Variants in CSMD3 observed in about 807,000 individuals in gnomAD.
CSMD3 encodes CUB and Sushi multiple domains 3.
CSMD3 carries 177 observed loss-of-function variants against 435.2 expected under a neutral mutation model. The ratio of observed to expected loss-of-function variants is 0.41; its 90% CI spans 0.36 to 0.46. The LOEUF (loss-of-function observed/expected upper bound fraction) is 0.46, where lower values mean the gene tolerates loss of function less well. Among genes scored for constraint, CSMD3 ranks in the 20% least tolerant of loss-of-function variants. The pLI, the probability that CSMD3 is intolerant of heterozygous loss-of-function variation, is 0.34. For missense variants in CSMD3, 4,265 were observed against 4,504.6 expected, an observed-to-expected ratio of 0.95 and a Z score of 1.52; for synonymous variants, 1,656 against 1,520.5, an observed-to-expected ratio of 1.09 and a Z score of -2.07.
chr8:113,368,660 A>G (rs964809556), intron 1 of CSMD3, among the ~76,000 whole-genome samples: 2 of 152,108 alleles, frequency 1.3e-5, no homozygotes. Flanking sequence ...AGCAGCAATA[A>G]CATTGGCAAA....
At chr8:112,508,678 T>C (rs1490754225) in intron 28 of CSMD3, among the ~76,000 whole-genome samples, 1 of 152,206 alleles carries the variant, frequency 6.6e-6, no homozygotes, top group Non-Finnish European at 1.5e-5. Flanking sequence ...CCTTTTCATC[T>C]AACTCCTGAG....
At chr8:112,949,135 C>A (rs2083718539) in intron 8 of CSMD3, among the ~76,000 whole-genome samples, 1 of 151,958 alleles carries the variant, frequency 6.6e-6, no homozygotes, top group Non-Finnish European at 1.5e-5. Flanking sequence ...AACCACTGGA[C>A]TGCTGAATAT....
Position 112,799,190 on chromosome 8 carries a change from A to G in CSMD3, c.1972+972T>C, listed in dbSNP as rs1047974566. On this transcript the variant is annotated intron_variant, in intron 13 of 70. Transcript: ENST00000297405. ...GATTTCTTGAACTATTCAAATTAATACAGTACCAAATTTAGTCACACAAAA... is the reference window on the plus strand; with the variant it reads ...GATTTCTTGAACTATTCAAATTAATGCAGTACCAAATTTAGTCACACAAAA... 4.6e-5 allele frequency among the ~76,000 whole-genome samples: 7 copies of G among 151,972 alleles called. No homozygotes were observed. The East Asian group carries it at 9.7e-4, about 21-fold the overall frequency.
intron 1 of CSMD3, among the ~76,000 whole-genome samples, chr8:113,361,386 G>C (rs545743404): frequency 8.5e-5 from 13 of 152,074 alleles, no homozygotes; most frequent in Non-Finnish European, 1.6e-4. Flanking sequence ...TATTTATGTC[G>C]ATGGAAAAAG....
intron 61 of CSMD3, among the ~76,000 whole-genome samples, chr8:112,259,980 A>T (rs1294589837): frequency 6.6e-6 from 1 of 151,824 alleles, no homozygotes; most frequent in African/African-American, 2.4e-5. Flanking sequence ...ATCCCCCAGT[A>T]CCCTCTCTGT....
chr8:112,652,367 T>G (rs532664899), intron 18 of CSMD3, among the ~76,000 whole-genome samples: 2 of 152,274 alleles, frequency 1.3e-5, no homozygotes, highest in East Asian at 3.9e-4. Flanking sequence ...ATATATAACT[T>G]TCCTTTACAT....
intron 14 of CSMD3, 26 bp from the exon 15 acceptor site, chr8:112,685,758 T>C (rs760571115): frequency 9.7e-6 from 13 of 1,344,508 alleles, no homozygotes; most frequent in Admixed American, 1.7e-5. Context: ...GATTATGAAA[T>C]ACAATAAATA....
chr8:112,718,294 AT>A (rs1388213788), intron 13 of CSMD3, among the ~76,000 whole-genome samples: 3 of 152,022 alleles, frequency 2.0e-5, no homozygotes, highest in African/African-American at 7.2e-5. Context: ...AGGATACTCT[AT>A]AATATGAGTA....
At chr8:112,805,746 C>G (rs1275601489) in intron 12 of CSMD3, among the ~76,000 whole-genome samples, 1 of 152,134 alleles carries the variant, frequency 6.6e-6, no homozygotes, top group East Asian at 1.9e-4. Flanking sequence ...GTTTACATTT[C>G]TGTTGCTGTT....
intron 63 of CSMD3, among the ~76,000 whole-genome samples, chr8:112,248,096 C>A (rs989614524): frequency 2.0e-5 from 3 of 152,020 alleles, no homozygotes; most frequent in Non-Finnish European, 2.9e-5. Flanking sequence ...TTCTGGATCT[C>A]ACTTTACTTG....
chr8:112,460,378 T>C (rs909083301), intron 32 of CSMD3, among the ~76,000 whole-genome samples: 2 of 151,906 alleles, frequency 1.3e-5, no homozygotes, highest in South Asian at 2.1e-4. Context: ...AGGGGTTAAG[T>C]AAAAGAGAAA....
chr8:112,524,872 C>A (rs1310576549), intron 27 of CSMD3, among the ~76,000 whole-genome samples: 1 of 151,920 alleles, frequency 6.6e-6, no homozygotes, highest in Non-Finnish European at 1.5e-5. Context: ...ATAATCATTT[C>A]TGTTACACAT....
chr8:112,664,847 A>ATC (rs2075480489), intron 17 of CSMD3, among the ~76,000 whole-genome samples: 1 of 152,152 alleles, frequency 6.6e-6, no homozygotes, highest in Admixed American at 6.6e-5. Flanking sequence ...CTTGATCTTG[A>ATC]ACTTCTAGCC....
At chr8:113,122,495 C>T (rs2091012772) in intron 4 of CSMD3, among the ~76,000 whole-genome samples, 1 of 151,962 alleles carries the variant, frequency 6.6e-6, no homozygotes, top group Non-Finnish European at 1.5e-5. Context: ...AATTAAAATC[C>T]AATTAAGGCT....
chr8:112,625,378 T>A (rs1834394177), intron 22 of CSMD3, among the ~76,000 whole-genome samples: 1 of 152,026 alleles, frequency 6.6e-6, no homozygotes, highest in Non-Finnish European at 1.5e-5. Context: ...TCTGGAAAAA[T>A]GAAAATCAAA....
chr8:112,224,537 A>G lies in CSMD3; in HGVS notation c.*234T>C, dbSNP rs1812398918. 3.6e-6 allele frequency: 2 copies of G among 559,282 alleles called. No individual in the cohort carries two copies. The highest frequency in any genetic ancestry group is 6.2e-5 in the East Asian group (2 of 32,460). The allele number at this position is 559,282 out of a possible 1,614,324, so 34.6% of individuals were successfully genotyped here. A position where few individuals can be genotyped will look rare whatever the true frequency, so the allele number is the denominator to read the frequency against. On this transcript the variant is annotated 3_prime_UTR_variant, in exon 71 of 71. Transcript: ENST00000297405. ...ATAATCTCCTTTTTAAAAAAAGCAA[A>G]TAAACTGTGAGTAAGCACTCTCAGA...
chr8:113,098,571 A>G, intron 5 of CSMD3, 185 bp downstream of exon 5: 1 of 592,190 alleles, frequency 1.7e-6, no homozygotes, highest in Non-Finnish European at 3.0e-6. Context: ...TTTGAATTTC[A>G]TCTATTTTTT....
intron 5 of CSMD3, among the ~76,000 whole-genome samples, chr8:113,036,823 T>C (rs1362455391): frequency 2.0e-5 from 3 of 152,208 alleles, no homozygotes; most frequent in East Asian, 3.9e-4. Context: ...TAATCCTGAT[T>C]TATGGAGGAT....
At chr8:112,562,000 T>G (rs980530705) in intron 24 of CSMD3, among the ~76,000 whole-genome samples, 1 of 136,820 alleles carries the variant, frequency 7.3e-6, no homozygotes. Context: ...TTGTTTCCAA[T>G]TTTTTACTGC....
Sources: gnomAD v4.1 joint callset for allele counts (sites outside exome capture counted in the v4.1 genomes callset) on GRCh38, gnomAD v4.1.1 for gene constraint, MANE v1.5 for transcripts, NCBI Gene and HGNC (gene_info 2026-07-23, HGNC 2026-07-21) for gene names.